Variants in DMXL1 observed in about 807,000 individuals in gnomAD.
The protein encoded by DMXL1 is dmX-like protein 1.
A neutral mutation model predicts 319.2 loss-of-function variants in DMXL1; 99 were observed. The observed-to-expected ratio is 0.31, with a 90% CI of 0.26 to 0.37. The LOEUF is 0.37. Among genes scored for constraint, DMXL1 ranks in the 10% least tolerant of loss-of-function variants. The probability of loss-of-function intolerance (pLI) is 1.00; values close to 1 mark genes in which losing one functional copy is unlikely to be tolerated. For synonymous variants in DMXL1, 1,385 were observed against 1,235.2 expected (o/e 1.12, Z -2.54); for missense variants, 3,745 against 3,595.6 (o/e 1.04, Z -1.06).
Position 119,239,057 on chromosome 5 carries a change from A to G in DMXL1, c.8628A>G (p.Thr2876=). The change falls in exon 41 of 44, where the codon ACA becomes ACG. Residue 2876 remains threonine, a synonymous_variant. Coordinates refer to ENST00000539542, the MANE Select transcript of DMXL1 (RefSeq NM_001290321.3). ...TTAGTTCCTCCTCTCTGATAGCTAC[A>G]GCTGGTCTTTCAACTGACAATAGGT... is the stretch of plus-strand genomic sequence containing the variant. ...VFVSSSSLIA[T]AGLSTDNRNV... is the part of the protein sequence containing the mutation. 1 of 1,613,874 alleles carries G rather than the reference A, an allele frequency of 6.2e-7. No individual in the cohort carries two copies. The highest frequency in any genetic ancestry group is 8.5e-7 in the Non-Finnish European group (1 of 1,179,916).
chr5:119,149,024 C>G lies in DMXL1; in HGVS notation c.3197C>G (p.Ser1066Cys). ...RLAVAYKQPA[S>C]NSRSSQDFVM... ...GCAGTAGCTTATAAGCAGCCTGCATCTAATAGTAGATCTTCCCAGGACTTT... is the reference window on the plus strand; with the variant it reads ...GCAGTAGCTTATAAGCAGCCTGCATGTAATAGTAGATCTTCCCAGGACTTT... The change falls in exon 18 of 44, where the codon TCT becomes TGT. Residue 1066 changes from serine (S) to cysteine (C), a missense_variant. By Grantham distance (112) the Ser-to-Cys change is moderately radical. This residue lies in a region of DMXL1 where 2,096 missense variants were observed against 1,985.4 expected (regional missense o/e 1.06). Transcript: ENST00000539542. 6.2e-7 allele frequency: 1 copy of G among 1,613,884 alleles called. No individual in the cohort carries two copies. The highest frequency in any genetic ancestry group is 8.5e-7 in the Non-Finnish European group (1 of 1,179,868).
At chr5:119,196,512 G>GTTTT in intron 31 of DMXL1, 56 bp downstream of exon 31, 4 of 656,564 alleles carry the variant, frequency 6.1e-6, no homozygotes, top group Admixed American at 3.1e-5. Context: ...TTACTACTCT[G>GTTTT]TTGTTTTTTT....
chr5:119,227,278 A>G (rs1041037962), intron 38 of DMXL1, among the ~76,000 whole-genome samples: 3 of 152,066 alleles, frequency 2.0e-5, no homozygotes, highest in Non-Finnish European at 2.9e-5. Context: ...AAAATGTTTA[A>G]TGTGTTTTCC....
intron 1 of DMXL1, among the ~76,000 whole-genome samples, chr5:119,094,003 A>G (rs1048803521): frequency 3.9e-5 from 6 of 152,260 alleles, no homozygotes; most frequent in Non-Finnish European, 8.8e-5. Context: ...AAAAGAAGTC[A>G]TCTTTATAAC....
chr5:119,177,971 C>T (rs867309626), intron 27 of DMXL1, 25 bp from the exon 28 acceptor site: 8 of 1,562,582 alleles, frequency 5.1e-6, no homozygotes, highest in Middle Eastern at 3.9e-4. Flanking sequence ...TAGTCAGTGA[C>T]AGCTATGTTT....
Position 119,248,808 on chromosome 5 carries a change from T to C in DMXL1, c.*1589T>C, listed in dbSNP as rs1210440350. 1.3e-5 allele frequency: 2 copies of C among 152,524 alleles called. No individual in the cohort carries two copies. The allele number at this position is 152,524 out of a possible 1,614,324, so 9.4% of individuals were successfully genotyped here. Reference sequence around the variant, plus strand: ...GAGTTTATATGCACATAATAACCTGTACCTATAAATCGTGCAATAACCATA... The same window carrying C: ...GAGTTTATATGCACATAATAACCTGCACCTATAAATCGTGCAATAACCATA... On this transcript the variant is annotated 3_prime_UTR_variant, in exon 44 of 44. Coordinates refer to ENST00000539542, the MANE Select transcript of DMXL1 (RefSeq NM_001290321.3).
chr5:119,192,925 A>G (rs1401809124), intron 29 of DMXL1, among the ~76,000 whole-genome samples: 1 of 152,162 alleles, frequency 6.6e-6, no homozygotes, highest in African/African-American at 2.4e-5. Flanking sequence ...CCTAAGAGTC[A>G]TTCATTTTTC....
At chr5:119,129,155 A>G (rs1764250918) in intron 9 of DMXL1, 56 bp from the exon 10 acceptor site, 6 of 1,024,826 alleles carry the variant, frequency 5.9e-6, no homozygotes, top group Non-Finnish European at 8.6e-6. Context: ...TGAAACATGG[A>G]TGTTTCATAT....
At chr5:119,235,851 A>G (rs964845949) in intron 39 of DMXL1, among the ~76,000 whole-genome samples, 7 of 152,114 alleles carry the variant, frequency 4.6e-5, no homozygotes, top group African/African-American at 1.7e-4. Context: ...CATCCAAACT[A>G]TCATTCAAAT....
At chr5:119,202,884 TTTA>T (rs901450198) in intron 32 of DMXL1, among the ~76,000 whole-genome samples, 2 of 113,658 alleles carry the variant, frequency 1.8e-5, no homozygotes, top group African/African-American at 7.1e-5. Context: ...TATATATATT[TTTA>T]TATATATATA....
At position 119,177,342 on chromosome 5, in the gene DMXL1, GT is replaced by G; in HGVS notation, c.6759-8del. 2.7e-6 allele frequency: 4 copies of G among 1,455,872 alleles called. No homozygotes were observed. The highest frequency in any genetic ancestry group is 2.8e-5 in the South Asian group (2 of 71,184). The allele number at this position is 1,455,872 out of a possible 1,614,324, so 90.2% of individuals were successfully genotyped here. On this transcript the variant is annotated splice_polypyrimidine_tract_variant and intron_variant, in intron 26 of 43. Coordinates refer to ENST00000539542, the MANE Select transcript of DMXL1 (RefSeq NM_001290321.3). ...AAAATTTATCATAGATTTAAATATT[GT>G]TTTTTTCTCTTAGTTCATTTCAGAC...
chr5:119,159,995 GT>G (rs1318021039), intron 19 of DMXL1, among the ~76,000 whole-genome samples: 2 of 151,936 alleles, frequency 1.3e-5, no homozygotes, highest in East Asian at 1.9e-4. Flanking sequence ...AAGTGTTCAG[GT>G]TTTTTTCCCC....
In DMXL1 at chr5:119,149,668, ACT is replaced by A; in HGVS notation, c.3844_3845del (p.Leu1282AspfsTer31). The A allele has an allele frequency of 6.2e-7, 1 of 1,613,834 alleles. No homozygotes were observed. The highest frequency in any genetic ancestry group is 8.5e-7 in the Non-Finnish European group (1 of 1,179,900). The stretch of plus-strand genomic sequence containing the variant: ...TTCTGGGTTACATCCTCCAAAGAAA[ACT>A]CTGACTCGATCCATGACCAGTCTTG... ...SSSGLHPPKK[T>X]LTRSMTSLAQ... On this transcript the variant is annotated frameshift_variant, in exon 18 of 44. Coordinates refer to ENST00000539542, the MANE Select transcript of DMXL1 (RefSeq NM_001290321.3). LOFTEE classifies it high-confidence loss of function.
intron 28 of DMXL1, among the ~76,000 whole-genome samples, chr5:119,186,694 C>T (rs1346641922): frequency 6.6e-6 from 1 of 152,166 alleles, no homozygotes; most frequent in Non-Finnish European, 1.5e-5. Flanking sequence ...TATTCCTCTG[C>T]TCCTCCCCTT....
chr5:119,102,806 A>G (rs1757540876), intron 3 of DMXL1, among the ~76,000 whole-genome samples: 1 of 152,186 alleles, frequency 6.6e-6, no homozygotes, highest in African/African-American at 2.4e-5. Context: ...AAAAATAAAA[A>G]TAAAAGCAAA....
At chr5:119,194,253 A>G (rs1779206255) in intron 30 of DMXL1, among the ~76,000 whole-genome samples, 1 of 152,140 alleles carries the variant, frequency 6.6e-6, no homozygotes, top group Non-Finnish European at 1.5e-5. Flanking sequence ...ACCATCCGTA[A>G]TTTGCATCAT....
rs961042071 is a variant in DMXL1 at position 119,142,505 on chromosome 5, A to G, written c.2377-1336A>G. 2.7e-5 allele frequency among the ~76,000 whole-genome samples: 4 copies of G among 147,988 alleles called. No homozygotes were observed. The Admixed American group carries it at 2.7e-4, about 10-fold the overall frequency. On this transcript the variant is annotated intron_variant, in intron 13 of 43. Coordinates refer to ENST00000539542, the MANE Select transcript of DMXL1 (RefSeq NM_001290321.3). ...CCATCTCACACCAGTCAGAATGGCT[A>G]TTATTAAAAAGTAAAAAAAAAAAAA...
intron 7 of DMXL1, 92 bp downstream of exon 7, chr5:119,116,428 C>A (rs927309159): frequency 1.4e-5 from 19 of 1,344,046 alleles, no homozygotes; most frequent in Middle Eastern, 1.9e-4. Context: ...TCCATAGTTA[C>A]AGGACTTCTG....
intron 30 of DMXL1, 82 bp from the exon 31 acceptor site, chr5:119,196,289 G>A: frequency 9.6e-7 from 1 of 1,042,046 alleles, no homozygotes; most frequent in Non-Finnish European, 1.5e-6. Flanking sequence ...CCTGATAGTG[G>A]AATTTGTTGA....
Sources: gnomAD v4.1 joint callset for allele counts (sites outside exome capture counted in the v4.1 genomes callset) on GRCh38, gnomAD v4.1.1 for gene constraint, gnomAD v4.1.1 regional missense constraint, MANE v1.5 for transcripts, NCBI Gene and HGNC (gene_info 2026-07-23, HGNC 2026-07-21) for gene names.